NADK2: variants seen among roughly 807,000 people sequenced by gnomAD.
NADK2 encodes NAD kinase domain-containing protein 1, mitochondrial.
A neutral mutation model predicts 62.1 loss-of-function variants in NADK2; 35 were observed. The observed-to-expected ratio is 0.56, with a 90% CI of 0.43 to 0.75. The LOEUF is 0.75. NADK2 is among the 30% of genes least tolerant of loss of function. The probability of loss-of-function intolerance (pLI) is 0.00; values close to 1 mark genes in which losing one functional copy is unlikely to be tolerated. For missense variants in NADK2, 439 were observed against 561.3 expected, an observed-to-expected ratio of 0.78 and a Z score of 2.20; for synonymous variants, 205 against 207.9, an observed-to-expected ratio of 0.99 and a Z score of 0.12.
chr5:36,221,820 T>C (rs768197323), intron 4 of NADK2: 1 of 152,222 alleles, frequency 6.6e-6, no homozygotes, highest in Non-Finnish European at 1.5e-5. Context: ...TTTACCTTAA[T>C]GATATAAAAA....
intron 2 of NADK2, 41 bp downstream of exon 2, chr5:36,227,436 G>T (rs763658491): frequency 2.0e-6 from 2 of 1,018,302 alleles, no homozygotes; most frequent in South Asian, 5.4e-5. Flanking sequence ...TGGAAGTCCT[G>T]AATATAAAAT....
At chr5:36,223,000 T>C (rs1747333473) in intron 4 of NADK2, among the ~76,000 whole-genome samples, 1 of 151,984 alleles carries the variant, frequency 6.6e-6, no homozygotes, top group East Asian at 1.9e-4. Context: ...AAGGGAAAAA[T>C]AATAGGCAAT....
rs1579648669 is a variant in NADK2 at position 36,241,432 on chromosome 5, G to C, written c.300+67C>G. On this transcript the variant is annotated intron_variant, in intron 1 of 11. Coordinates refer to ENST00000381937, the MANE Select transcript of NADK2 (RefSeq NM_001085411.3). The surrounding 1 kb of genome is among the most constrained non-coding windows in gnomAD (Gnocchi z 4.9). ...GAGTCGTCCCGAGAGGTCCCCCCGAGGGGGCGCAGCCGCCACCAGAGCCCC... is the reference window on the plus strand; with the variant it reads ...GAGTCGTCCCGAGAGGTCCCCCCGACGGGGCGCAGCCGCCACCAGAGCCCC... 10 of 1,462,098 alleles carry C rather than the reference G, an allele frequency of 6.8e-6. No individual in the cohort carries two copies. The highest frequency in any genetic ancestry group is 5.8e-5 in the East Asian group (2 of 34,544). The allele number at this position is 1,462,098 out of a possible 1,614,324, so 90.6% of individuals were successfully genotyped here.
At chr5:36,218,516 A>G (rs1747134372) in intron 5 of NADK2, among the ~76,000 whole-genome samples, 1 of 152,206 alleles carries the variant, frequency 6.6e-6, no homozygotes, top group Non-Finnish European at 1.5e-5. Flanking sequence ...GTAGCTATAA[A>G]TTAGCCATTT....
At chr5:36,222,836 T>C (rs1323802442) in intron 4 of NADK2, among the ~76,000 whole-genome samples, 1 of 152,116 alleles carries the variant, frequency 6.6e-6, no homozygotes, top group Non-Finnish European at 1.5e-5. Context: ...AATTTGATGA[T>C]AGAGTGAGGG....
intron 4 of NADK2, among the ~76,000 whole-genome samples, chr5:36,222,744 C>T (rs950660479): frequency 6.6e-6 from 1 of 152,130 alleles, no homozygotes; most frequent in Non-Finnish European, 1.5e-5. Context: ...TTTAAACAAA[C>T]TATAAAGGGC....
chr5:36,210,489 A>G (rs1272865128), intron 7 of NADK2, among the ~76,000 whole-genome samples: 1 of 149,666 alleles, frequency 6.7e-6, no homozygotes, highest in African/African-American at 2.6e-5. Flanking sequence ...TTACACTAAA[A>G]AGGATACAAC....
At chr5:36,214,900 T>C (rs1429790489) in intron 6 of NADK2, among the ~76,000 whole-genome samples, 1 of 152,212 alleles carries the variant, frequency 6.6e-6, no homozygotes, top group Non-Finnish European at 1.5e-5. Context: ...GGTTGTTTAT[T>C]AAACCAATTC....
chr5:36,200,330 T>C (rs1169374356), intron 9 of NADK2, 50 bp from the exon 10 acceptor site: 1 of 1,122,674 alleles, frequency 8.9e-7, no homozygotes, highest in East Asian at 3.1e-5. Flanking sequence ...ATATATATCT[T>C]ATATATATAT....
At chr5:36,198,814 G>C (rs181317324) in intron 10 of NADK2, among the ~76,000 whole-genome samples, 260 of 151,860 alleles carry the variant, frequency 1.7e-3, no homozygotes, top group South Asian at 5.2e-3. Context: ...GAGTGAAGGA[G>C]ACCAGAATCC....
At chr5:36,232,432 T>C (rs1185626641) in intron 1 of NADK2, among the ~76,000 whole-genome samples, 1 of 152,192 alleles carries the variant, frequency 6.6e-6, no homozygotes, top group Non-Finnish European at 1.5e-5. Flanking sequence ...CCACTAGGCA[T>C]AATTTAGGCA....
chr5:36,239,155 T>C (rs750658922), intron 1 of NADK2, among the ~76,000 whole-genome samples: 7 of 152,222 alleles, frequency 4.6e-5, no homozygotes, highest in Non-Finnish European at 7.3e-5. Context: ...TTGGCCACTT[T>C]CTTTTATATC....
At chr5:36,224,556 C>CAAA (rs756009943) in intron 4 of NADK2, among the ~76,000 whole-genome samples, 7 of 72,742 alleles carry the variant, frequency 9.6e-5, no homozygotes, top group Admixed American at 1.5e-4. Context: ...GACTCTGTCT[C>CAAA]AAAAAAAAAA....
At chr5:36,234,473 A>G (rs1186889454) in intron 1 of NADK2, among the ~76,000 whole-genome samples, 1 of 152,160 alleles carries the variant, frequency 6.6e-6, no homozygotes, top group East Asian at 1.9e-4. Flanking sequence ...AAGAATAGGC[A>G]CATATTCTAA....
intron 1 of NADK2, among the ~76,000 whole-genome samples, chr5:36,234,965 G>A (rs566514904): frequency 2.8e-4 from 42 of 152,182 alleles, no homozygotes; most frequent in Non-Finnish European, 2.2e-4. Flanking sequence ...TGTTTCCCAT[G>A]TATTTGGAAA....
At chr5:36,215,111 A>G (rs1485085009) in intron 6 of NADK2, among the ~76,000 whole-genome samples, 1 of 152,120 alleles carries the variant, frequency 6.6e-6, no homozygotes, top group Non-Finnish European at 1.5e-5. Context: ...TCCCCCTCAG[A>G]CACCAAGGGA....
At chr5:36,226,776 C>A (rs979896627) in intron 2 of NADK2, among the ~76,000 whole-genome samples, 16 of 152,020 alleles carry the variant, frequency 1.1e-4, no homozygotes, top group African/African-American at 3.6e-4. Context: ...ATGAATAAAT[C>A]GAAAGTTATA....
intron 2 of NADK2, 51 bp from the exon 3 acceptor site, chr5:36,226,614 A>C (rs1487994682): frequency 7.8e-7 from 1 of 1,284,826 alleles, no homozygotes; most frequent in African/African-American, 1.5e-5. Flanking sequence ...TAATATATAT[A>C]ACAGGGGTAT....
chr5:36,200,989 A>C (rs1746424206), intron 9 of NADK2, 117 bp downstream of exon 9: 1 of 771,760 alleles, frequency 1.3e-6, no homozygotes, highest in African/African-American at 1.8e-5. Context: ...AGAAAAAGAA[A>C]TTAATGCATA....
Sources: gnomAD v4.1 joint callset for allele counts (sites outside exome capture counted in the v4.1 genomes callset) on GRCh38, gnomAD v4.1.1 for gene constraint, Gnocchi (gnomAD v3.1) non-coding constraint, MANE v1.5 for transcripts, NCBI Gene and HGNC (gene_info 2026-07-23, HGNC 2026-07-21) for gene names.